Variants in AFG2A observed in about 807,000 individuals in gnomAD.
AFG2A encodes the protein AAA ATPase AFG2A.
chr4:122,949,781 T>C, the AFG2A span, among the ~76,000 whole-genome samples: 1 of 152,168 alleles, frequency 6.6e-6, no homozygotes, highest in East Asian at 1.9e-4. Flanking sequence ...AGGTATAGTG[T>C]TTCATGAGAG....
At chr4:122,929,163 G>T in the AFG2A span, 1 of 1,610,560 alleles carries the variant, frequency 6.2e-7, no homozygotes, top group Non-Finnish European at 8.5e-7. Flanking sequence ...TGTGGGTGCT[G>T]TGCTACAGGC....
chr4:123,208,269 T>C, the AFG2A span, among the ~76,000 whole-genome samples: 3 of 152,162 alleles, frequency 2.0e-5, no homozygotes, highest in African/African-American at 4.8e-5. Flanking sequence ...CCCTACCTTA[T>C]ACCATATATA....
chr4:123,293,175 G>A, the AFG2A span, among the ~76,000 whole-genome samples: 2 of 152,128 alleles, frequency 1.3e-5, no homozygotes, highest in African/African-American at 4.8e-5. Flanking sequence ...CCATCCATAG[G>A]TGCACCCAAG....
At chr4:122,957,543 T>C in the AFG2A span, among the ~76,000 whole-genome samples, 3 of 152,200 alleles carry the variant, frequency 2.0e-5, no homozygotes, top group Non-Finnish European at 4.4e-5. Context: ...GATGTGTGCA[T>C]TGAGCATAGG....
the AFG2A span, among the ~76,000 whole-genome samples, chr4:123,156,792 T>A: frequency 6.7e-6 from 1 of 148,576 alleles, no homozygotes. Context: ...AAAAAGAAAC[T>A]CCTGTTCTTA....
the AFG2A span, among the ~76,000 whole-genome samples, chr4:123,302,547 T>C: frequency 1.6e-4 from 25 of 151,802 alleles, no homozygotes; most frequent in Non-Finnish European, 3.5e-4. Flanking sequence ...AACTAGTTTA[T>C]ATCTTTGTTC....
chr4:122,958,147 A>G, the AFG2A span, among the ~76,000 whole-genome samples: 2 of 152,180 alleles, frequency 1.3e-5, no homozygotes, highest in Non-Finnish European at 2.9e-5. Context: ...TGCCTTTATA[A>G]GTAGCAATGA....
chr4:122,946,819 G>A, the AFG2A span, among the ~76,000 whole-genome samples: 5 of 152,054 alleles, frequency 3.3e-5, no homozygotes, highest in African/African-American at 9.7e-5. Context: ...TTCTATTTGA[G>A]TATTATATGT....
At chr4:123,129,563 T>G in the AFG2A span, among the ~76,000 whole-genome samples, 1 of 152,226 alleles carries the variant, frequency 6.6e-6, no homozygotes, top group Non-Finnish European at 1.5e-5. Context: ...CAGCTGTCAT[T>G]GTCCACTCCT....
At chr4:123,239,539 A>C in the AFG2A span, among the ~76,000 whole-genome samples, 1 of 152,160 alleles carries the variant, frequency 6.6e-6, no homozygotes, top group African/African-American at 2.4e-5. Flanking sequence ...CAACATTCTT[A>C]AAAGAATTTT....
chr4:123,273,783 G>T, the AFG2A span, among the ~76,000 whole-genome samples: 1 of 152,142 alleles, frequency 6.6e-6, no homozygotes, highest in African/African-American at 2.4e-5. Context: ...AAACACAAAT[G>T]AAGTTCATGT....
At chr4:123,153,169 ATG>A in the AFG2A span, among the ~76,000 whole-genome samples, 1 of 152,144 alleles carries the variant, frequency 6.6e-6, no homozygotes, top group Non-Finnish European at 1.5e-5. Flanking sequence ...TGGCTCACCT[ATG>A]TGTCTGGCTT....
the AFG2A span, among the ~76,000 whole-genome samples, chr4:123,245,554 C>G: frequency 1.1e-4 from 17 of 152,080 alleles, no homozygotes; most frequent in African/African-American, 4.1e-4. Flanking sequence ...AGAAAATATG[C>G]TAATAAAATA....
the AFG2A span, among the ~76,000 whole-genome samples, chr4:123,075,941 G>C: frequency 6.9e-6 from 1 of 145,920 alleles, no homozygotes; most frequent in Non-Finnish European, 1.5e-5. Context: ...TGGGCAACAA[G>C]GGCGAAACTC....
At chr4:123,239,003 G>T in the AFG2A span, among the ~76,000 whole-genome samples, 2 of 152,100 alleles carry the variant, frequency 1.3e-5, no homozygotes, top group Non-Finnish European at 2.9e-5. Context: ...TGACCTGATG[G>T]AGCTGAAAAC....
the AFG2A span, among the ~76,000 whole-genome samples, chr4:123,001,293 G>C: frequency 0.012 from 1,837 of 152,148 alleles, 43 homozygotes; most frequent in African/African-American, 0.041. Flanking sequence ...TTTTTTGTGT[G>C]TCTATTTCCT....
At chr4:122,978,832 C>G in the AFG2A span, among the ~76,000 whole-genome samples, 1 of 152,252 alleles carries the variant, frequency 6.6e-6, no homozygotes, top group Non-Finnish European at 1.5e-5. Flanking sequence ...AGTGGCTTGG[C>G]TCAGCCTTAA....
chr4:122,949,873 G>A, the AFG2A span, among the ~76,000 whole-genome samples: 1 of 152,226 alleles, frequency 6.6e-6, no homozygotes, highest in Non-Finnish European at 1.5e-5. Flanking sequence ...AAATAGGTGT[G>A]ACATATATAT....
the AFG2A span, among the ~76,000 whole-genome samples, chr4:123,083,204 C>T: frequency 4.6e-5 from 7 of 152,234 alleles, no homozygotes; most frequent in East Asian, 1.4e-3. Context: ...TTGCCTTGTT[C>T]TTAATCATAG....
Sources: allele counts gnomAD v4.1 joint callset (sites outside exome capture counted in the v4.1 genomes callset), GRCh38; gene constraint gnomAD v4.1.1; transcripts MANE v1.5; gene names NCBI Gene and HGNC (gene_info 2026-07-23, HGNC 2026-07-21).